Variants in SLC16A10 observed in about 807,000 individuals in gnomAD.
SLC16A10 encodes the protein solute carrier family 16 member 10.
SLC16A10 carries 27 observed loss-of-function variants against 40.0 expected under a neutral mutation model. The observed-to-expected ratio is 0.67, with a 90% CI of 0.50 to 0.93. The LOEUF (loss-of-function observed/expected upper bound fraction) is 0.93. Ranked by LOEUF, SLC16A10 falls within the 40% of genes least tolerant of loss-of-function variation. SLC16A10 has a pLI of 0.00. For missense variants in SLC16A10, 529 were observed against 658.2 expected, an observed-to-expected ratio of 0.80 and a Z score of 2.15; for synonymous variants, 213 against 249.8, an observed-to-expected ratio of 0.85 and a Z score of 1.39.
Position 111,224,960 on chromosome 6 carries a change from G to A in SLC16A10, c.*2725G>A, listed in dbSNP as rs541482464. The A allele has an allele frequency of 5.3e-4, 80 of 152,152 alleles. No homozygotes were observed. The highest frequency in any genetic ancestry group is 1.9e-3 in the African/African-American group (78 of 41,512). The allele number at this position is 152,152 out of a possible 1,614,324, so 9.4% of individuals were successfully genotyped here. ...TAAGACTCAGAAAATTCTCAAATTC[G>A]AAAGGTTCTGGCATTTGAGGCCAAA... On this transcript the variant is annotated 3_prime_UTR_variant, in exon 6 of 6. Coordinates refer to ENST00000368851, the MANE Select transcript of SLC16A10 (RefSeq NM_018593.5).
chr6:111,150,460 C>A (rs1015093746), intron 1 of SLC16A10, among the ~76,000 whole-genome samples: 1 of 152,110 alleles, frequency 6.6e-6, no homozygotes, highest in Non-Finnish European at 1.5e-5. Flanking sequence ...TCCCAGATAT[C>A]GATATCATCA....
chr6:111,163,213 C>T (rs957794227), intron 1 of SLC16A10, among the ~76,000 whole-genome samples: 30 of 129,414 alleles, frequency 2.3e-4, no homozygotes, highest in African/African-American at 7.7e-4. Context: ...AGTGCAGTGG[C>T]GGGATCTCGG....
chr6:111,135,884 C>T (rs1771869035), intron 1 of SLC16A10, among the ~76,000 whole-genome samples: 2 of 152,236 alleles, frequency 1.3e-5, no homozygotes, highest in African/African-American at 2.4e-5. Flanking sequence ...CAGCTCTGCT[C>T]ACAGCAGAGG....
intron 1 of SLC16A10, among the ~76,000 whole-genome samples, chr6:111,130,481 T>G (rs960606049): frequency 6.6e-6 from 1 of 152,202 alleles, no homozygotes; most frequent in Non-Finnish European, 1.5e-5. Flanking sequence ...TCCCCCTTTT[T>G]GGGGGAGTAT....
chr6:111,125,150 A>G (rs910074082), intron 1 of SLC16A10, among the ~76,000 whole-genome samples: 2 of 152,214 alleles, frequency 1.3e-5, no homozygotes, highest in South Asian at 4.1e-4. Flanking sequence ...TCTCAGTAAC[A>G]TCTCAGTAGA....
At chr6:111,194,004 A>G (rs1216020) in intron 3 of SLC16A10, among the ~76,000 whole-genome samples, 116,952 of 152,022 alleles carry the variant, frequency 0.77, 45,777 homozygotes, top group Non-Finnish European at 0.85. Flanking sequence ...AATGGGTAGG[A>G]TAGACTGAAC....
At position 111,225,461 on chromosome 6, in the gene SLC16A10, CAGG is replaced by C. The variant is rs2114600104; in HGVS notation, c.*3229_*3231del. ...GTCCCAGCTACTCGGGAAGCTGAGG[CAGG>C]AGAAGAATCCAGGAGGCAGAGGTTG... On this transcript the variant is annotated 3_prime_UTR_variant, in exon 6 of 6. Transcript: ENST00000368851. The C allele has an allele frequency of 6.7e-6, 1 of 148,754 alleles. No homozygotes were observed. Among genetic ancestry groups the C allele is most frequent in the African/African-American group, 2.5e-5 (1 of 40,290 alleles). 9.2% of individuals were successfully genotyped at this position (148,754 alleles called of 1,614,324 possible). A position where few individuals can be genotyped will look rare whatever the true frequency, so the allele number is the denominator to read the frequency against.
At chr6:111,133,255 C>T (rs543202533) in intron 1 of SLC16A10, among the ~76,000 whole-genome samples, 3 of 152,290 alleles carry the variant, frequency 2.0e-5, no homozygotes, top group Non-Finnish European at 4.4e-5. Flanking sequence ...AGCAGAGGTC[C>T]ATGGGTGGTT....
At chr6:111,189,570 C>T (rs905618374) in intron 3 of SLC16A10, among the ~76,000 whole-genome samples, 13 of 151,980 alleles carry the variant, frequency 8.6e-5, no homozygotes, top group African/African-American at 3.1e-4. Context: ...TACCCGAGAC[C>T]AGGTAATTTA....
At chr6:111,108,777 G>A (rs916368411) in intron 1 of SLC16A10, among the ~76,000 whole-genome samples, 2 of 152,092 alleles carry the variant, frequency 1.3e-5, no homozygotes, top group Admixed American at 6.5e-5. Flanking sequence ...AAGAGCACAC[G>A]GCTTATTTAT....
At chr6:111,198,055 G>A (rs1377831140) in intron 3 of SLC16A10, among the ~76,000 whole-genome samples, 4 of 152,210 alleles carry the variant, frequency 2.6e-5, no homozygotes. Context: ...GAGAGGCCGA[G>A]GCAGGCAGAT....
chr6:111,122,222 G>C (rs1417677625), intron 1 of SLC16A10, among the ~76,000 whole-genome samples: 1 of 152,230 alleles, frequency 6.6e-6, no homozygotes, highest in African/African-American at 2.4e-5. Flanking sequence ...ATGAGCAGCT[G>C]CTGGCATGAT....
chr6:111,165,069 C>T (rs903196845), intron 1 of SLC16A10, among the ~76,000 whole-genome samples: 10 of 152,050 alleles, frequency 6.6e-5, no homozygotes, highest in African/African-American at 2.4e-4. Flanking sequence ...ACAGAGGATC[C>T]AGTAGTTGTA....
At chr6:111,131,258 C>T (rs759594014) in intron 1 of SLC16A10, among the ~76,000 whole-genome samples, 4 of 152,262 alleles carry the variant, frequency 2.6e-5, no homozygotes, top group Admixed American at 6.5e-5. Context: ...CGCTCCCAAT[C>T]GGGCTAGGGG....
chr6:111,218,786 G>A (rs780559323), intron 4 of SLC16A10, 28 bp from the exon 5 acceptor site: 13 of 1,589,714 alleles, frequency 8.2e-6, no homozygotes, highest in East Asian at 4.5e-5. Context: ...TCCTGCGAGC[G>A]GAGCTGACCT....
chr6:111,088,595 G>A (rs1313407685), intron 1 of SLC16A10, among the ~76,000 whole-genome samples: 1 of 152,100 alleles, frequency 6.6e-6, no homozygotes, highest in East Asian at 1.9e-4. Context: ...TTGTACGAAG[G>A]TCACTGGAGT....
intron 1 of SLC16A10, among the ~76,000 whole-genome samples, chr6:111,138,227 T>C (rs1246547215): frequency 6.6e-6 from 1 of 152,220 alleles, no homozygotes; most frequent in African/African-American, 2.4e-5. Context: ...AGAAAAGTTA[T>C]TACTTAGTAA....
intron 1 of SLC16A10, among the ~76,000 whole-genome samples, chr6:111,097,800 AGAATCACTCACTAAG>A (rs1276498195): frequency 6.6e-6 from 1 of 152,210 alleles, no homozygotes; most frequent in African/African-American, 2.4e-5. Flanking sequence ...CCTCCACTTA[AGAATCACTCACTAAG>A]GAGTTTTAAA....
intron 3 of SLC16A10, among the ~76,000 whole-genome samples, chr6:111,181,935 C>T (rs1230685161): frequency 6.6e-6 from 1 of 152,000 alleles, no homozygotes; most frequent in African/African-American, 2.4e-5. Flanking sequence ...GCCCCTTTTG[C>T]CTGAGAGTTG....
Sources: gnomAD v4.1 joint callset for allele counts (sites outside exome capture counted in the v4.1 genomes callset) on GRCh38, gnomAD v4.1.1 for gene constraint, MANE v1.5 for transcripts, NCBI Gene and HGNC (gene_info 2026-07-23, HGNC 2026-07-21) for gene names.